GALNT13: variants seen among roughly 807,000 people sequenced by gnomAD.
The protein encoded by GALNT13 is polypeptide N-acetylgalactosaminyltransferase 13.
In GALNT13, 28 loss-of-function variants were observed where a neutral mutation model predicts 64.2. The observed-to-expected ratio is 0.44, with a 90% CI of 0.32 to 0.60. The LOEUF (loss-of-function observed/expected upper bound fraction) is 0.60, where lower values mean the gene tolerates loss of function less well. GALNT13 is among the 20% of genes least tolerant of loss of function. The pLI, the probability that GALNT13 is intolerant of heterozygous loss-of-function variation, is 0.05. For synonymous variants in GALNT13, 214 were observed against 224.6 expected, an observed-to-expected ratio of 0.95 and a Z score of 0.42; for missense variants, 577 against 669.8, an observed-to-expected ratio of 0.86 and a Z score of 1.53.
intron 4 of GALNT13, among the ~76,000 whole-genome samples, chr2:154,238,709 T>C (rs867440974): frequency 1.3e-5 from 2 of 152,012 alleles, no homozygotes; most frequent in African/African-American, 4.8e-5. Context: ...TTCAGCTTTA[T>C]TGAGGTATAT....
At chr2:153,807,785 T>G in the GALNT13 span, among the ~76,000 whole-genome samples, 4 of 152,174 alleles carry the variant, frequency 2.6e-5, no homozygotes, top group East Asian at 7.7e-4. Flanking sequence ...ATTATTGTCT[T>G]GTATTTCATT....
At chr2:154,143,652 C>T (rs1354483465) in intron 4 of GALNT13, among the ~76,000 whole-genome samples, 3 of 151,174 alleles carry the variant, frequency 2.0e-5, no homozygotes, top group South Asian at 4.2e-4. Flanking sequence ...CCTGAAGTCA[C>T]GGGTTTGAGA....
the GALNT13 span, among the ~76,000 whole-genome samples, chr2:153,566,575 C>T: frequency 1.3e-5 from 2 of 152,080 alleles, no homozygotes; most frequent in Non-Finnish European, 2.9e-5. Flanking sequence ...AAGATGGTCT[C>T]GATCTCCTGA....
the GALNT13 span, among the ~76,000 whole-genome samples, chr2:153,554,351 G>C: frequency 6.6e-6 from 1 of 151,558 alleles, no homozygotes. Context: ...AAAAAAAAAA[G>C]TTTGCAAATT....
At chr2:153,944,724 A>C in intron 3 of GALNT13, 85 bp downstream of exon 3, 1 of 1,236,358 alleles carries the variant, frequency 8.1e-7, no homozygotes, top group Non-Finnish European at 1.1e-6. Flanking sequence ...GAATCAGAAG[A>C]GTTTTGCCTT....
chr2:153,997,323 G>T (rs75716391), intron 3 of GALNT13, among the ~76,000 whole-genome samples: 1 of 151,802 alleles, frequency 6.6e-6, no homozygotes, highest in Non-Finnish European at 1.5e-5. Flanking sequence ...CTTTTTATTT[G>T]TGTCTGCTTC....
chr2:153,351,570 CAT>C, the GALNT13 span, among the ~76,000 whole-genome samples: 46,202 of 151,966 alleles, frequency 0.3, 7,531 homozygotes, highest in Non-Finnish European at 0.38. Context: ...CTTTTAGAAT[CAT>C]AGAGAGTTGT....
chr2:153,989,079 T>C (rs1294725900), intron 3 of GALNT13, among the ~76,000 whole-genome samples: 1 of 151,952 alleles, frequency 6.6e-6, no homozygotes, highest in African/African-American at 2.4e-5. Context: ...TTCCAGTGCC[T>C]TAAGAATGCC....
chr2:154,324,269 G>A (rs532755952), intron 9 of GALNT13, among the ~76,000 whole-genome samples: 6 of 150,882 alleles, frequency 4.0e-5, no homozygotes, highest in South Asian at 2.1e-4. Flanking sequence ...TTGGTTCTTC[G>A]TCTTTTTATT....
intron 3 of GALNT13, among the ~76,000 whole-genome samples, chr2:153,995,704 T>A (rs895466235): frequency 2.0e-5 from 3 of 152,132 alleles, no homozygotes; most frequent in Admixed American, 1.3e-4. Context: ...TCTAGCTACC[T>A]TGAAATATGC....
chr2:154,161,579 A>T (rs2105666149), intron 4 of GALNT13, among the ~76,000 whole-genome samples: 1 of 152,320 alleles, frequency 6.6e-6, no homozygotes, highest in Non-Finnish European at 1.5e-5. Context: ...GTAAGGAAAA[A>T]TTGGACAGTT....
the GALNT13 span, among the ~76,000 whole-genome samples, chr2:153,843,696 A>C: frequency 0.72 from 108,930 of 152,060 alleles, 40,713 homozygotes; most frequent in Non-Finnish European, 0.81. Flanking sequence ...TATAAGCCTG[A>C]AAAATCAGGT....
chr2:154,233,419 T>G (rs938967474), intron 4 of GALNT13, among the ~76,000 whole-genome samples: 1 of 152,158 alleles, frequency 6.6e-6, no homozygotes, highest in African/African-American at 2.4e-5. Context: ...AGCAGGCTGT[T>G]TACCCACGTG....
intron 9 of GALNT13, among the ~76,000 whole-genome samples, chr2:154,325,941 G>A (rs1457170395): frequency 6.6e-6 from 1 of 152,062 alleles, no homozygotes; most frequent in Non-Finnish European, 1.5e-5. Flanking sequence ...TCCGAGGGCG[G>A]GGCCCAGGAA....
At chr2:154,342,034 G>C (rs1381089904) in intron 9 of GALNT13, among the ~76,000 whole-genome samples, 1 of 152,052 alleles carries the variant, frequency 6.6e-6, no homozygotes, top group Non-Finnish European at 1.5e-5. Context: ...ACTTGGGGAG[G>C]AGACTGGTTT....
chr2:153,955,401 G>C (rs1012295577), intron 3 of GALNT13, among the ~76,000 whole-genome samples: 1 of 152,146 alleles, frequency 6.6e-6, no homozygotes, highest in African/African-American at 2.4e-5. Flanking sequence ...AAAATTGGAA[G>C]GGAAGAGATA....
At chr2:153,437,923 G>C in the GALNT13 span, among the ~76,000 whole-genome samples, 1 of 152,080 alleles carries the variant, frequency 6.6e-6, no homozygotes, top group African/African-American at 2.4e-5. Flanking sequence ...TCCTAGCCTC[G>C]ATGGTCTTTA....
chr2:154,401,152 T>G (rs799753), intron 10 of GALNT13, among the ~76,000 whole-genome samples: 2 of 151,984 alleles, frequency 1.3e-5, no homozygotes, highest in East Asian at 1.9e-4. Flanking sequence ...TAGTTAAAGT[T>G]CTTGCCTATA....
chr2:153,348,884 G>A, the GALNT13 span, among the ~76,000 whole-genome samples: 1 of 152,160 alleles, frequency 6.6e-6, no homozygotes, highest in South Asian at 2.1e-4. Context: ...GAGCTTAGGG[G>A]ATTTGAGCTT....
Sources: allele counts gnomAD v4.1 joint callset (sites outside exome capture counted in the v4.1 genomes callset), GRCh38; gene constraint gnomAD v4.1.1; transcripts MANE v1.5; gene names NCBI Gene and HGNC (gene_info 2026-07-23, HGNC 2026-07-21).